The following MIA2 variants were observed in gnomAD, a reference collection of about 807,000 sequenced individuals.
The protein encoded by MIA2 is melanoma inhibitory activity protein 2.
MIA2 carries 127 observed loss-of-function variants against 167.8 expected under a neutral mutation model. That is an observed-to-expected ratio of 0.76 (90% CI 0.66 to 0.88). MIA2 has a LOEUF of 0.88. Ranked by LOEUF, MIA2 falls within the 40% of genes least tolerant of loss-of-function variation. The pLI is 0.00. For missense variants in MIA2, 1,690 were observed against 1,624.7 expected (o/e 1.04, Z -0.69); for synonymous variants, 552 against 541.9 (o/e 1.02, Z -0.26).
chr14:39,290,609 TAAAG>T (rs982112562), intron 9 of MIA2, among the ~76,000 whole-genome samples: 2 of 152,246 alleles, frequency 1.3e-5, no homozygotes, highest in East Asian at 1.9e-4. Context: ...TGAATAGGCT[TAAAG>T]AAGAGGTTTA....
chr14:39,354,514 T>G (rs1043186183), downstream of MIA2, among the ~76,000 whole-genome samples: 1 of 152,240 alleles, frequency 6.6e-6, no homozygotes, highest in Non-Finnish European at 1.5e-5. Flanking sequence ...GTAGGTTGCC[T>G]GTTTATTCTG....
intron 3 of MIA2, among the ~76,000 whole-genome samples, chr14:39,245,163 C>T (rs374067589): frequency 1.2e-4 from 18 of 150,146 alleles, no homozygotes; most frequent in African/African-American, 4.4e-4. Flanking sequence ...TGCAGCTTGA[C>T]CTCCTGGGCT....
intron 26 of MIA2, among the ~76,000 whole-genome samples, chr14:39,347,376 G>A (rs2073513973): frequency 6.6e-6 from 1 of 152,052 alleles, no homozygotes; most frequent in African/African-American, 2.4e-5. Context: ...AGAGGAGGAA[G>A]GAGAAGAGGA....
chr14:39,310,362 GC>G (rs2064028577), intron 18 of MIA2, among the ~76,000 whole-genome samples: 1 of 152,150 alleles, frequency 6.6e-6, no homozygotes, highest in South Asian at 2.1e-4. Flanking sequence ...GTGTTTTTAA[GC>G]ACAAGAATGC....
intron 24 of MIA2, 65 bp downstream of exon 24, chr14:39,321,121 T>TA (rs1482255963): frequency 6.8e-6 from 10 of 1,471,386 alleles, no homozygotes; most frequent in South Asian, 1.2e-5. Flanking sequence ...CATCTCAACT[T>TA]ACCTTAAAAA....
intron 17 of MIA2, among the ~76,000 whole-genome samples, chr14:39,307,613 T>C (rs1015843629): frequency 1.3e-5 from 2 of 152,052 alleles, no homozygotes; most frequent in African/African-American, 2.4e-5. Flanking sequence ...TTGGCCAGGC[T>C]GGTCTTGAAC....
chr14:39,269,093 T>TTTTTTTTTTTTTC, intron 6 of MIA2: 1 of 948,458 alleles, frequency 1.1e-6, no homozygotes, highest in Non-Finnish European at 1.2e-6. Context: ...TTTTTTTTTT[T>TTTTTTTTTTTTTC]TTTTTTGCTA....
intron 25 of MIA2, among the ~76,000 whole-genome samples, chr14:39,330,004 C>T (rs189036238): frequency 3.5e-4 from 54 of 152,196 alleles, no homozygotes; most frequent in African/African-American, 1.2e-3. Flanking sequence ...AGGGAGGATT[C>T]CCTCTTTTTC....
chr14:39,261,078 G>A (rs2055082238), intron 6 of MIA2, among the ~76,000 whole-genome samples: 4 of 151,816 alleles, frequency 2.6e-5, no homozygotes, highest in Non-Finnish European at 4.4e-5. Context: ...CCATGTTGGT[G>A]TGCTGCACCC....
At chr14:39,331,049 C>T (rs773648247) in intron 25 of MIA2, among the ~76,000 whole-genome samples, 1 of 152,142 alleles carries the variant, frequency 6.6e-6, no homozygotes, top group African/African-American at 2.4e-5. Flanking sequence ...CTAATATTGA[C>T]AGTGGGGTGT....
At chr14:39,341,528 A>T (rs2071839047) in intron 25 of MIA2, among the ~76,000 whole-genome samples, 1 of 152,178 alleles carries the variant, frequency 6.6e-6, no homozygotes, top group South Asian at 2.1e-4. Flanking sequence ...TCTAAAAAGA[A>T]GGAAGGCAGA....
At position 39,331,137 on chromosome 14, in the gene MIA2, G is replaced by GAATCTA. The variant is rs1246759288; in HGVS notation, c.3655+4115_3655+4116insAATCTA. Reference sequence around the variant, plus strand: ...AAGAACTTGCTTTATGAATCTGCATGCTCATGTATTGGGTGCATATATAAT... The same window carrying GAATCTA: ...AAGAACTTGCTTTATGAATCTGCATGAATCTACTCATGTATTGGGTGCATATATAAT... On this transcript the variant is annotated intron_variant, in intron 25 of 28. Transcript: ENST00000640607. 2.1e-4 allele frequency among the ~76,000 whole-genome samples: 32 copies of GAATCTA among 152,236 alleles called. 1 individual carries two copies. Among genetic ancestry groups the GAATCTA allele is most frequent in the Admixed American group, 1.5e-3 (23 of 15,284 alleles).
chr14:39,347,815 C>CTTA, intron 27 of MIA2, 44 bp downstream of exon 27: 41 of 1,048,788 alleles, frequency 3.9e-5, no homozygotes, highest in African/African-American at 7.2e-5. Flanking sequence ...ATTCAGAAGC[C>CTTA]TTCTTTTTTT....
intron 9 of MIA2, among the ~76,000 whole-genome samples, chr14:39,282,800 C>G (rs2059134257): frequency 6.6e-6 from 1 of 152,150 alleles, no homozygotes; most frequent in Non-Finnish European, 1.5e-5. Flanking sequence ...CTCAAACTCC[C>G]TGGCTCAGGT....
In MIA2 at chr14:39,288,451, A is replaced by ATTTTTTTTTT. The variant is rs1566746956; in HGVS notation, c.2131-2567_2131-2566insTTTTTTTTTT. Among the ~76,000 whole-genome samples, 4 of 8,790 alleles carry ATTTTTTTTTT rather than the reference A, an allele frequency of 4.6e-4. 1 individual carries two copies. Among genetic ancestry groups the ATTTTTTTTTT allele is most frequent in the Admixed American group, 1.2e-3 (1 of 858 alleles). The allele number at this position is 8,790 out of a possible 152,430, so 5.8% of individuals were successfully genotyped here. On this transcript the variant is annotated intron_variant, in intron 9 of 28. Coordinates refer to ENST00000640607, the MANE Select transcript of MIA2 (RefSeq NM_001329214.4). ...ATTATACATATATATATATATATATATATATATATATATATATATATATAT... is the reference window on the plus strand; with the variant it reads ...ATTATACATATATATATATATATATATTTTTTTTTTTATATATATATATATATATATATAT...
chr14:39,267,037 C>T (rs1034499530), intron 6 of MIA2: 83 of 1,026,708 alleles, frequency 8.1e-5, no homozygotes, highest in Non-Finnish European at 9.4e-5. Context: ...GTGGCTTCGC[C>T]AGGTAGAGCG....
chr14:39,285,011 A>G (rs1281324128), intron 9 of MIA2, among the ~76,000 whole-genome samples: 1 of 152,158 alleles, frequency 6.6e-6, no homozygotes, highest in African/African-American at 2.4e-5. Context: ...CACCGCCCTT[A>G]ATCCATTGTT....
intron 6 of MIA2, among the ~76,000 whole-genome samples, chr14:39,257,092 T>C (rs2054849399): frequency 6.6e-6 from 1 of 152,214 alleles, no homozygotes; most frequent in African/African-American, 2.4e-5. Context: ...TGTAGATGTC[T>C]ATTAGGTCGG....
intron 23 of MIA2, chr14:39,385,959 A>C (rs1411434805): frequency 1.2e-6 from 1 of 818,220 alleles, no homozygotes; most frequent in Non-Finnish European, 2.1e-6. Flanking sequence ...GAGGAGGACC[A>C]GGAGCCTGTC....
Sources: allele counts gnomAD v4.1 joint callset (sites outside exome capture counted in the v4.1 genomes callset), GRCh38; gene constraint gnomAD v4.1.1; transcripts MANE v1.5; gene names NCBI Gene and HGNC (gene_info 2026-07-23, HGNC 2026-07-21).